Variants in ITGA9 observed in about 807,000 individuals in gnomAD.
The protein encoded by ITGA9 is integrin alpha-9.
In ITGA9, 56 loss-of-function variants were observed where a neutral mutation model predicts 127.8. That is an observed-to-expected ratio of 0.44 (90% CI 0.35 to 0.55). The LOEUF is 0.55. Among genes scored for constraint, ITGA9 ranks in the 20% least tolerant of loss-of-function variants. The pLI, the probability that ITGA9 is intolerant of heterozygous loss-of-function variation, is 0.00. For synonymous variants in ITGA9, 508 were observed against 514.5 expected (o/e 0.99, Z 0.17); for missense variants, 1,196 against 1,347.1 (o/e 0.89, Z 1.76).
In ITGA9 at chr3:37,460,031, A is replaced by C. The variant is rs181923803; in HGVS notation, c.185+7472A>C. On this transcript the variant is annotated intron_variant, in intron 1 of 27. Coordinates refer to ENST00000264741, the MANE Select transcript of ITGA9 (RefSeq NM_002207.3). The stretch of plus-strand genomic sequence containing the variant: ...CAAGGCTGTCTAGCATTAAGACAGA[A>C]GTGTCCCAGGAAAGATGGAGTACTC... 3.1e-3 allele frequency among the ~76,000 whole-genome samples: 479 copies of C among 152,274 alleles called. 2 individuals carry two copies. Among genetic ancestry groups the C allele is most frequent in the African/African-American group, 0.011 (468 of 41,540 alleles).
chr3:37,780,795 T>G (rs1387133815), intron 25 of ITGA9, among the ~76,000 whole-genome samples: 1 of 152,266 alleles, frequency 6.6e-6, no homozygotes, highest in African/African-American at 2.4e-5. Flanking sequence ...ATCAACAGTG[T>G]ATAAGTGTTC....
chr3:37,584,458 T>TG (rs1207192911), intron 15 of ITGA9, among the ~76,000 whole-genome samples: 3 of 151,938 alleles, frequency 2.0e-5, no homozygotes, highest in Admixed American at 6.6e-5. Flanking sequence ...GAGTACCAGG[T>TG]GGTGGGTAGG....
At chr3:37,697,576 A>G (rs541033618) in intron 18 of ITGA9, among the ~76,000 whole-genome samples, 1 of 152,094 alleles carries the variant, frequency 6.6e-6, no homozygotes, top group South Asian at 2.1e-4. Context: ...ATGAGTGAGA[A>G]CATGGGGTGT....
At chr3:37,536,064 T>A (rs1415536547) in intron 14 of ITGA9, among the ~76,000 whole-genome samples, 1 of 152,196 alleles carries the variant, frequency 6.6e-6, no homozygotes, top group Non-Finnish European at 1.5e-5. Flanking sequence ...GAAGGCAGCC[T>A]CTTGGCTCTG....
chr3:37,596,950 C>T (rs1699876240), intron 15 of ITGA9, among the ~76,000 whole-genome samples: 1 of 152,188 alleles, frequency 6.6e-6, no homozygotes, highest in Non-Finnish European at 1.5e-5. Flanking sequence ...ACACCAGTTC[C>T]AACTAGGTGT....
chr3:37,717,259 T>C (rs1429912819), intron 18 of ITGA9, among the ~76,000 whole-genome samples: 1 of 152,218 alleles, frequency 6.6e-6, no homozygotes, highest in Non-Finnish European at 1.5e-5. Flanking sequence ...GAAGTTCTAC[T>C]GCAGCCACAA....
At chr3:37,711,446 G>T (rs1701078569) in intron 18 of ITGA9, among the ~76,000 whole-genome samples, 1 of 152,294 alleles carries the variant, frequency 6.6e-6, no homozygotes, top group Non-Finnish European at 1.5e-5. Context: ...ACTAAGTCTG[G>T]CCTACATTCA....
At chr3:37,786,222 T>C (rs1318071088) in intron 26 of ITGA9, among the ~76,000 whole-genome samples, 2 of 152,226 alleles carry the variant, frequency 1.3e-5, no homozygotes, top group African/African-American at 4.8e-5. Context: ...GATAAGTTTA[T>C]AATGATTTTG....
intron 17 of ITGA9, among the ~76,000 whole-genome samples, chr3:37,676,828 G>A (rs1023013084): frequency 2.0e-5 from 3 of 152,212 alleles, no homozygotes; most frequent in African/African-American, 4.8e-5. Context: ...TCTGCTAAGA[G>A]TGTCCTTCTC....
At chr3:37,810,017 G>T (rs988428172) in intron 27 of ITGA9, among the ~76,000 whole-genome samples, 1 of 152,196 alleles carries the variant, frequency 6.6e-6, no homozygotes, top group Admixed American at 6.5e-5. Context: ...TGCCACTGCT[G>T]ACCGGTTGCC....
At chr3:37,691,977 A>G (rs1332673594) in intron 18 of ITGA9, among the ~76,000 whole-genome samples, 2 of 152,244 alleles carry the variant, frequency 1.3e-5, no homozygotes, top group Non-Finnish European at 2.9e-5. Context: ...ACAGGCAACC[A>G]GTGTGAAATA....
chr3:37,812,123 G>A (rs1697375606), intron 27 of ITGA9, among the ~76,000 whole-genome samples: 1 of 152,196 alleles, frequency 6.6e-6, no homozygotes, highest in Non-Finnish European at 1.5e-5. Context: ...ATGCCCATGT[G>A]CTTGCACACA....
intron 23 of ITGA9, among the ~76,000 whole-genome samples, chr3:37,775,934 A>ATTTT (rs1696901873): frequency 6.6e-6 from 1 of 152,236 alleles, no homozygotes. Context: ...ATCAACCTAA[A>ATTTT]TACCCATCAA....
At chr3:37,780,759 T>C (rs1198874618) in intron 25 of ITGA9, among the ~76,000 whole-genome samples, 2 of 152,224 alleles carry the variant, frequency 1.3e-5, no homozygotes, top group Non-Finnish European at 2.9e-5. Context: ...GATACTGCTT[T>C]TTTGATTGTA....
At chr3:37,727,768 T>C (rs1696233219) in intron 18 of ITGA9, among the ~76,000 whole-genome samples, 1 of 152,230 alleles carries the variant, frequency 6.6e-6, no homozygotes, top group Non-Finnish European at 1.5e-5. Flanking sequence ...AATGGTCACT[T>C]TTTTCTAAGG....
At chr3:37,804,656 A>G (rs1428957955) in intron 27 of ITGA9, among the ~76,000 whole-genome samples, 1 of 152,238 alleles carries the variant, frequency 6.6e-6, no homozygotes, top group Non-Finnish European at 1.5e-5. Context: ...CCCCAGCTCC[A>G]AAACAGCACC....
At chr3:37,678,735 G>C (rs978643585) in intron 17 of ITGA9, among the ~76,000 whole-genome samples, 8 of 152,172 alleles carry the variant, frequency 5.3e-5, no homozygotes, top group African/African-American at 1.9e-4. Flanking sequence ...AAATTATCTG[G>C]ATAGAAGAGG....
intron 15 of ITGA9, among the ~76,000 whole-genome samples, chr3:37,595,100 TG>T (rs1474932983): frequency 6.6e-6 from 1 of 152,064 alleles, no homozygotes; most frequent in Non-Finnish European, 1.5e-5. Flanking sequence ...TTTTTGTTTT[TG>T]TTTTTGTTTT....
At chr3:37,652,405 A>T (rs567776354) in intron 16 of ITGA9, among the ~76,000 whole-genome samples, 1 of 152,252 alleles carries the variant, frequency 6.6e-6, no homozygotes, top group South Asian at 2.1e-4. Flanking sequence ...TCTCTCCTTG[A>T]CCCCAGTAGT....
Sources: gnomAD v4.1 joint callset for allele counts (sites outside exome capture counted in the v4.1 genomes callset) on GRCh38, gnomAD v4.1.1 for gene constraint, MANE v1.5 for transcripts, NCBI Gene and HGNC (gene_info 2026-07-23, HGNC 2026-07-21) for gene names.